The following GRIP1 variants were observed in gnomAD, a reference collection of about 807,000 sequenced individuals.
The protein encoded by GRIP1 is glutamate receptor-interacting protein 1.
GRIP1 carries 45 observed loss-of-function variants against 129.9 expected under a neutral mutation model. The ratio of observed to expected loss-of-function variants is 0.35; its 90% CI spans 0.27 to 0.44. The LOEUF (loss-of-function observed/expected upper bound fraction) is 0.44. Ranked by LOEUF, GRIP1 falls within the 20% of genes least tolerant of loss-of-function variation. The probability of loss-of-function intolerance (pLI) is 1.00; values close to 1 mark genes in which losing one functional copy is unlikely to be tolerated. For synonymous variants in GRIP1, 530 were observed against 520.8 expected (o/e 1.02, Z -0.24); for missense variants, 1,196 against 1,396.8 (o/e 0.86, Z 2.29).
intron 1 of GRIP1, among the ~76,000 whole-genome samples, chr12:66,651,078 A>G (rs1332285473): frequency 3.3e-5 from 5 of 152,182 alleles, no homozygotes; most frequent in Admixed American, 3.3e-4. Flanking sequence ...TATGACCCAG[A>G]TGATGTGCTA....
intron 1 of GRIP1, among the ~76,000 whole-genome samples, chr12:66,979,342 T>TG (rs1467799322): frequency 1.4e-5 from 2 of 143,870 alleles, no homozygotes; most frequent in East Asian, 4.3e-4. Context: ...TTTGGCAAGG[T>TG]GAAAAAAAAA....
chr12:66,489,278 T>C (rs11503724), intron 7 of GRIP1, among the ~76,000 whole-genome samples: 10,343 of 152,188 alleles, frequency 0.068, 794 homozygotes, highest in East Asian at 0.22. Flanking sequence ...TTATCCACCA[T>C]GATCAAGTTG....
At chr12:66,383,046 C>T (rs560538443) in intron 19 of GRIP1, among the ~76,000 whole-genome samples, 2 of 152,102 alleles carry the variant, frequency 1.3e-5, no homozygotes, top group South Asian at 4.1e-4. Context: ...CCTGTAATCC[C>T]AGCACTTTGG....
chr12:66,675,351 T>C (rs763687699), intron 1 of GRIP1, among the ~76,000 whole-genome samples: 8 of 152,128 alleles, frequency 5.3e-5, no homozygotes, highest in Non-Finnish European at 1.0e-4. Context: ...AGTTCAGATC[T>C]CGGAGCTCAA....
At chr12:66,679,243 G>A (rs2034483002), upstream of GRIP1, 2 of 760,848 alleles carry the variant, frequency 2.6e-6, no homozygotes, top group South Asian at 1.9e-5. Flanking sequence ...TAAATCTAAC[G>A]CTAAGCACTG....
intron 1 of GRIP1, among the ~76,000 whole-genome samples, chr12:66,743,791 C>T (rs141493685): frequency 1.2e-4 from 19 of 152,242 alleles, no homozygotes; most frequent in African/African-American, 4.1e-4. Context: ...TATTCAAAAA[C>T]ATCAGTTACC....
intron 15 of GRIP1, among the ~76,000 whole-genome samples, chr12:66,410,587 G>T (rs1316231336): frequency 1.3e-5 from 2 of 152,052 alleles, no homozygotes; most frequent in African/African-American, 4.8e-5. Context: ...AGGTTACAGT[G>T]GGCCGAGATT....
chr12:66,846,502 G>A (rs1041376996), intron 1 of GRIP1, among the ~76,000 whole-genome samples: 2 of 152,170 alleles, frequency 1.3e-5, no homozygotes, highest in Non-Finnish European at 2.9e-5. Flanking sequence ...ACCTGGTCCA[G>A]CATTGTTTTA....
At chr12:66,546,566 A>C (rs886991225) in intron 2 of GRIP1, among the ~76,000 whole-genome samples, 2 of 152,190 alleles carry the variant, frequency 1.3e-5, no homozygotes, top group Non-Finnish European at 2.9e-5. Context: ...CAGAGGACCC[A>C]GGAATAGACT....
At chr12:66,732,568 A>C (rs1030896097) in intron 1 of GRIP1, among the ~76,000 whole-genome samples, 16 of 152,122 alleles carry the variant, frequency 1.1e-4, no homozygotes, top group African/African-American at 2.7e-4. Flanking sequence ...ACAAAAAAAA[A>C]ACAAAAGAAT....
intron 2 of GRIP1, among the ~76,000 whole-genome samples, chr12:66,584,770 T>C (rs868311506): frequency 1.7e-4 from 26 of 152,196 alleles, no homozygotes; most frequent in Middle Eastern, 3.4e-3. Flanking sequence ...TGCAGGGTAA[T>C]ACTCTGACAG....
intron 13 of GRIP1, among the ~76,000 whole-genome samples, chr12:66,434,124 C>G (rs1424647618): frequency 6.6e-6 from 1 of 152,134 alleles, no homozygotes; most frequent in East Asian, 1.9e-4. Flanking sequence ...TTTTTCAACT[C>G]AGAAGTTTTG....
At chr12:66,544,545 C>CTA (rs1324750846) in intron 2 of GRIP1, among the ~76,000 whole-genome samples, 2 of 152,140 alleles carry the variant, frequency 1.3e-5, no homozygotes, top group Non-Finnish European at 2.9e-5. Context: ...GTCTTCTAGC[C>CTA]AATCTGCTGT....
intron 1 of GRIP1, among the ~76,000 whole-genome samples, chr12:66,842,524 T>C (rs987592424): frequency 1.3e-5 from 2 of 152,178 alleles, no homozygotes; most frequent in Admixed American, 6.5e-5. Context: ...TATTAACACT[T>C]ACATAGTGCC....
At chr12:67,020,826 G>A (rs1364872148) in intron 1 of GRIP1, among the ~76,000 whole-genome samples, 2 of 152,088 alleles carry the variant, frequency 1.3e-5, no homozygotes, top group East Asian at 3.9e-4. Context: ...TGGGCCCAGT[G>A]CAGTAGCTCG....
chr12:66,483,886 G>A (rs1020136452), intron 7 of GRIP1, among the ~76,000 whole-genome samples: 19 of 150,000 alleles, frequency 1.3e-4, no homozygotes, highest in African/African-American at 4.7e-4. Flanking sequence ...TTGAGACGGA[G>A]TCTCGCTCTG....
intron 1 of GRIP1, among the ~76,000 whole-genome samples, chr12:66,954,846 G>T (rs1455339064): frequency 6.6e-6 from 1 of 152,052 alleles, no homozygotes; most frequent in Non-Finnish European, 1.5e-5. Context: ...ACGTGCTATG[G>T]GGGAGGCAGT....
At chr12:66,501,775 A>G (rs936470976) in intron 7 of GRIP1, among the ~76,000 whole-genome samples, 3 of 152,216 alleles carry the variant, frequency 2.0e-5, no homozygotes, top group African/African-American at 7.2e-5. Context: ...GAAGTCCCAT[A>G]TATAATCTGA....
intron 1 of GRIP1, among the ~76,000 whole-genome samples, chr12:66,819,829 T>C (rs964153086): frequency 1.3e-5 from 2 of 151,942 alleles, no homozygotes; most frequent in African/African-American, 2.4e-5. Context: ...GCCCACAAAA[T>C]TGAAGACACA....
Sources: gnomAD v4.1 joint callset for allele counts (sites outside exome capture counted in the v4.1 genomes callset) on GRCh38, gnomAD v4.1.1 for gene constraint, MANE v1.5 for transcripts, NCBI Gene and HGNC (gene_info 2026-07-23, HGNC 2026-07-21) for gene names.